Variants in RHOT1 observed in about 807,000 individuals in gnomAD.
RHOT1 encodes the protein mitochondrial Rho GTPase 1.
A neutral mutation model predicts 95.3 loss-of-function variants in RHOT1; 27 were observed. The observed-to-expected ratio is 0.28, with a 90% CI of 0.21 to 0.39. The LOEUF is 0.39. Among genes scored for constraint, RHOT1 ranks in the 10% least tolerant of loss-of-function variants. The pLI is 1.00. For missense variants in RHOT1, 578 were observed against 786.7 expected (o/e 0.73, Z 3.17); for synonymous variants, 227 against 263.5 (o/e 0.86, Z 1.34).
At chr17:32,152,219 C>A (rs2032403208) in intron 1 of RHOT1, among the ~76,000 whole-genome samples, 1 of 152,196 alleles carries the variant, frequency 6.6e-6, no homozygotes, top group Admixed American at 6.5e-5. Context: ...TTCTCTCCTG[C>A]CAGAGTGTTT....
At chr17:32,174,405 A>C (rs1598352123) in intron 3 of RHOT1, among the ~76,000 whole-genome samples, 1 of 152,166 alleles carries the variant, frequency 6.6e-6, no homozygotes, top group African/African-American at 2.4e-5. Context: ...CATTATCTGT[A>C]TGTTGGACAG....
intron 1 of RHOT1, among the ~76,000 whole-genome samples, chr17:32,169,369 T>C (rs1426672929): frequency 6.6e-6 from 1 of 152,202 alleles, no homozygotes; most frequent in East Asian, 1.9e-4. Context: ...AATTATATGA[T>C]CAGAAAGTGA....
intron 6 of RHOT1, among the ~76,000 whole-genome samples, chr17:32,178,570 C>T (rs2142586098): frequency 6.6e-6 from 1 of 152,330 alleles, no homozygotes; most frequent in South Asian, 2.1e-4. Flanking sequence ...CCTGCCTTGG[C>T]CTCCCAAAGT....
At chr17:32,205,107 A>G (rs1288226486) in intron 16 of RHOT1, among the ~76,000 whole-genome samples, 19 of 150,724 alleles carry the variant, frequency 1.3e-4, no homozygotes, top group Admixed American at 1.3e-3. Context: ...AGGTCAACCC[A>G]TCATCTAGGT....
At chr17:32,215,888 TTATGAA>T (rs146397906) in intron 19 of RHOT1, among the ~76,000 whole-genome samples, 1,709 of 152,288 alleles carry the variant, frequency 0.011, 31 homozygotes, top group African/African-American at 0.038. Context: ...TTAGACTAAT[TTATGAA>T]TAACTGGAAT....
chr17:32,200,367 C>T (rs756231942), intron 13 of RHOT1, among the ~76,000 whole-genome samples: 21 of 151,958 alleles, frequency 1.4e-4, no homozygotes, highest in Non-Finnish European at 2.1e-4. Context: ...AGCCACTCAC[C>T]GCTTATGTTT....
chr17:32,205,000 G>A (rs889463040), intron 16 of RHOT1, among the ~76,000 whole-genome samples: 5 of 149,762 alleles, frequency 3.3e-5, no homozygotes, highest in South Asian at 2.1e-4. Flanking sequence ...AAAAAAAGTC[G>A]AAAAAACTGA....
intron 19 of RHOT1, among the ~76,000 whole-genome samples, chr17:32,217,132 C>T (rs1455619571): frequency 1.3e-5 from 2 of 152,246 alleles, no homozygotes; most frequent in Non-Finnish European, 2.9e-5. Context: ...GATATTGGAG[C>T]ATTTCCTTTG....
intron 6 of RHOT1, among the ~76,000 whole-genome samples, chr17:32,177,702 C>T (rs1225635662): frequency 6.8e-6 from 1 of 148,122 alleles, no homozygotes; most frequent in African/African-American, 2.5e-5. Context: ...TTGCAGTGAG[C>T]CGAGATCACG....
intron 6 of RHOT1, among the ~76,000 whole-genome samples, chr17:32,178,518 G>T (rs1048567716): frequency 3.9e-5 from 6 of 152,164 alleles, no homozygotes; most frequent in African/African-American, 1.4e-4. Flanking sequence ...CCGGAGTGCA[G>T]TGGTGGGATC....
intron 13 of RHOT1, among the ~76,000 whole-genome samples, chr17:32,200,104 A>C (rs561893039): frequency 6.6e-6 from 1 of 152,066 alleles, no homozygotes; most frequent in East Asian, 1.9e-4. Context: ...ATTTTTCTGT[A>C]TCAATAAGTA....
At chr17:32,164,336 C>T (rs1362665457) in intron 1 of RHOT1, among the ~76,000 whole-genome samples, 4 of 151,616 alleles carry the variant, frequency 2.6e-5, no homozygotes, top group South Asian at 2.1e-4. Context: ...CGGGTTCAAG[C>T]GATTCTTCTG....
rs142843068 is a variant in RHOT1 at position 32,204,170 on chromosome 17, C to T, written c.1416+197C>T. Among the ~76,000 whole-genome samples the T allele has an allele frequency of 9.2e-5, 14 of 152,218 alleles. No individual in the cohort carries two copies. In the East Asian group the frequency reaches 2.3e-3, roughly 25 times the overall value. ...CTTGGGCTCGAGGGATCTCCCACTT[C>T]AGCCTCCCAAGGAGCTGGGACTGCA... On this transcript the variant is annotated intron_variant, in intron 16 of 19. Transcript: ENST00000545287.
chr17:32,219,960 G>A (rs967664301), intron 19 of RHOT1, among the ~76,000 whole-genome samples: 2 of 152,138 alleles, frequency 1.3e-5, no homozygotes, highest in African/African-American at 2.4e-5. Context: ...TTTATACATA[G>A]ACACACGTAC....
intron 6 of RHOT1, among the ~76,000 whole-genome samples, chr17:32,178,400 C>T (rs117855031): frequency 0.018 from 2,794 of 152,190 alleles, 36 homozygotes; most frequent in South Asian, 0.026. Context: ...CCGTGTTGAC[C>T]GGGCTGGTCT....
chr17:32,220,385 A>G, intron 19 of RHOT1, among the ~76,000 whole-genome samples: 1 of 152,218 alleles, frequency 6.6e-6, no homozygotes, highest in East Asian at 1.9e-4. Flanking sequence ...ATAATAAAAT[A>G]AAAGGAGATA....
At chr17:32,149,633 A>ATATG (rs1445179099) in intron 1 of RHOT1, among the ~76,000 whole-genome samples, 1 of 81,286 alleles carries the variant, frequency 1.2e-5, no homozygotes, top group East Asian at 3.6e-4. Context: ...ATATATATAT[A>ATATG]TATGTGTGTG....
chr17:32,191,017 A>T (rs769348802), intron 8 of RHOT1, among the ~76,000 whole-genome samples: 4 of 152,064 alleles, frequency 2.6e-5, no homozygotes, highest in Non-Finnish European at 5.9e-5. Context: ...CTGGTCTCGA[A>T]CTCTTGATCT....
rs926187365 is a variant in RHOT1, at chr17:32,193,123, T to C, written c.640-13T>C. 1 of 1,512,308 alleles carries C rather than the reference T, an allele frequency of 6.6e-7. No individual in the cohort carries two copies. Among genetic ancestry groups the C allele is most frequent in the South Asian group, 1.2e-5 (1 of 85,120 alleles). 93.7% of individuals were successfully genotyped at this position (1,512,308 alleles called of 1,614,324 possible). On this transcript the variant is annotated splice_polypyrimidine_tract_variant and intron_variant, in intron 9 of 19. Coordinates refer to ENST00000545287, the MANE Select transcript of RHOT1 (RefSeq NM_001033566.3). ...TGGTTTGTTTTTAAATATATTTTTA[T>C]GTTTTTTGCTAGAGGATTTGTTTCA...
Sources: gnomAD v4.1 joint callset for allele counts (sites outside exome capture counted in the v4.1 genomes callset) on GRCh38, gnomAD v4.1.1 for gene constraint, MANE v1.5 for transcripts, NCBI Gene and HGNC (gene_info 2026-07-23, HGNC 2026-07-21) for gene names.